NID2: variants seen among roughly 807,000 people sequenced by gnomAD.
The protein encoded by NID2 is nidogen-2.
NID2 carries 83 observed loss-of-function variants against 145.4 expected under a neutral mutation model. The ratio of observed to expected loss-of-function variants is 0.57; its 90% CI spans 0.48 to 0.69. NID2 has a LOEUF of 0.69. NID2 is among the 30% of genes least tolerant of loss of function. NID2 has a pLI of 0.00. For missense variants in NID2, 1,807 were observed against 1,765.7 expected (o/e 1.02, Z -0.42); for synonymous variants, 739 against 701.3 (o/e 1.05, Z -0.85).
intron 10 of NID2, 47 bp downstream of exon 10, chr14:52,029,500 G>A (rs1210264954): frequency 1.9e-6 from 3 of 1,578,786 alleles, no homozygotes; most frequent in African/African-American, 1.3e-5. Flanking sequence ...GGAGGGCAGA[G>A]GAAAAACAAG....
At chr14:52,030,550 A>AAG (rs1891787821) in intron 9 of NID2, among the ~76,000 whole-genome samples, 1 of 64,638 alleles carries the variant, frequency 1.5e-5, no homozygotes, top group African/African-American at 5.2e-5. Context: ...GAAAGAAAGA[A>AAG]AGAAAGAAAG....
chr14:52,007,700 C>T, intron 19 of NID2, 110 bp downstream of exon 19: 1 of 1,005,760 alleles, frequency 9.9e-7, no homozygotes, highest in Non-Finnish European at 1.5e-6. Flanking sequence ...AGTTTACAGA[C>T]CAAAGAAAGG....
intron 14 of NID2, among the ~76,000 whole-genome samples, chr14:52,017,538 G>C (rs1891255936): frequency 6.7e-6 from 1 of 149,266 alleles, no homozygotes; most frequent in Admixed American, 6.7e-5. Flanking sequence ...TTAAAATCTT[G>C]GTTCCCCCTT....
rs1434077861 is a variant in NID2 at position 52,027,227 on chromosome 14, T to TA, written c.2647dup (p.Tyr883LeufsTer10). On this transcript the variant is annotated frameshift_variant, in exon 12 of 22. Coordinates refer to ENST00000216286, the MANE Select transcript of NID2 (RefSeq NM_007361.4). LOFTEE classifies it high-confidence loss of function. ...AGTGCACTGGTGCCCATCGCCGGCA[T>TA]AACCAGGCAGGCAGGCACAGCTGAA... 4.5e-6 allele frequency: 7 copies of TA among 1,569,138 alleles called. No homozygotes were observed. The highest frequency in any genetic ancestry group is 6.0e-6 in the Non-Finnish European group (7 of 1,158,850).
rs369076689 is a variant in NID2, at chr14:52,067,976, T to G, written c.416A>C (p.Tyr139Ser). Residue 139 changes from tyrosine (Y) to serine (S), a missense_variant, in exon 2 of 22, where the codon TAT becomes TCT. Coordinates refer to ENST00000216286, the MANE Select transcript of NID2 (RefSeq NM_007361.4). ...SPAVLGLAAR[Y>S]VRAGFPRSAR... The stretch of plus-strand genomic sequence containing the variant: ...AGAGCGCGGGAAGCCAGCGCGCACA[T>G]AGCGGGCGGCCAGGCCCAGCACTGC... 2.5e-6 allele frequency: 4 copies of G among 1,610,818 alleles called. No homozygotes were observed. The highest frequency in any genetic ancestry group is 3.4e-6 in the Non-Finnish European group (4 of 1,178,688).
intron 5 of NID2, among the ~76,000 whole-genome samples, chr14:52,045,773 G>A (rs2645741): frequency 0.51 from 77,660 of 151,968 alleles, 20,140 homozygotes; most frequent in South Asian, 0.59. Context: ...ACTCACCAGT[G>A]TGCTCATGGC....
rs547757142 is a variant in NID2 at position 52,056,435 on chromosome 14, C to A, written c.768-2114G>T. On this transcript the variant is annotated intron_variant, in intron 3 of 21. Coordinates refer to ENST00000216286, the MANE Select transcript of NID2 (RefSeq NM_007361.4). ...ATTTCTACAAAGGAAAATTGGGTTA[C>A]AAAATGGGATGACAATGCCTTCCTC... Among the ~76,000 whole-genome samples, 16 of 152,202 alleles carry A rather than the reference C, an allele frequency of 1.1e-4. 1 individual carries two copies. The highest frequency in any genetic ancestry group is 3.9e-4 in the African/African-American group (16 of 41,518).
intron 12 of NID2, among the ~76,000 whole-genome samples, chr14:52,022,900 A>G (rs1361766576): frequency 6.6e-6 from 1 of 151,926 alleles, no homozygotes; most frequent in East Asian, 1.9e-4. Context: ...ATTAACCTCA[A>G]ACCCATCCCA....
intron 2 of NID2, among the ~76,000 whole-genome samples, chr14:52,064,819 C>T (rs569448216): frequency 6.6e-6 from 1 of 152,274 alleles, no homozygotes; most frequent in South Asian, 2.1e-4. Flanking sequence ...TTCTTTTTAG[C>T]CCTTTCAACC....
In NID2 at chr14:52,054,278, C is replaced by T. The variant is rs772352433; in HGVS notation, c.811G>A (p.Gly271Ser). The stretch of plus-strand genomic sequence containing the variant: ...ACATTGTCCAACGGGGAAGTGCTGC[C>T]GATATGGAAAGCCCACACTCCAGGG... Reference protein sequence around the residue: ...GIPGVWAFHIGSTSPLDNVRP... With the variant: ...GIPGVWAFHISSTSPLDNVRP... Residue 271 changes from glycine to serine, a missense_variant, in exon 4 of 22, where the codon GGC (glycine) becomes AGC (serine). By Grantham distance (56) the Gly-to-Ser change is moderately conservative. Transcript: ENST00000216286. 31 of 1,613,872 alleles carry T rather than the reference C, an allele frequency of 1.9e-5. No homozygotes were observed. Among genetic ancestry groups the T allele is most frequent in the Admixed American group, 6.7e-5 (4 of 60,004 alleles).
At chr14:52,006,891 G>A in intron 19 of NID2, 2 of 351,842 alleles carry the variant, frequency 5.7e-6, no homozygotes, top group South Asian at 4.0e-5. Flanking sequence ...ACTGAAATCT[G>A]GTAAGTTTCT....
At position 52,018,501 on chromosome 14, in the gene NID2, A is replaced by G. The variant is rs547060885; in HGVS notation, c.3028+560T>C. ...CAGGTTGTATGGGCTAACAGAAACCAGATGTCTGTGCCTCCTCTGAGATGT... is the reference window on the plus strand; with the variant it reads ...CAGGTTGTATGGGCTAACAGAAACCGGATGTCTGTGCCTCCTCTGAGATGT... On this transcript the variant is annotated intron_variant, in intron 14 of 21. Transcript: ENST00000216286. Among the ~76,000 whole-genome samples the G allele has an allele frequency of 2.4e-3, 359 of 152,354 alleles. No individual in the cohort carries two copies. In the Middle Eastern group the frequency reaches 0.024, roughly 10 times the overall value.
Position 52,068,027 on chromosome 14 carries a change from A to T in NID2, c.365T>A (p.Val122Asp). ...GGGGGAGGTGTCCTCTCGGTACAGG[A>T]CTCGGCCTCTGCCGTGGCTCGTGTC... The part of the protein sequence containing the change: ...DIDTSHGRGR[V>D]LYREDTSPAV... The change falls in exon 2 of 22, where the codon GTC becomes GAC. Residue 122 changes from valine (V) to aspartate (D), a missense_variant. Coordinates refer to ENST00000216286, the MANE Select transcript of NID2 (RefSeq NM_007361.4). The T allele has an allele frequency of 6.2e-7, 1 of 1,613,860 alleles. No homozygotes were observed. Among genetic ancestry groups the T allele is most frequent in the Non-Finnish European group, 8.5e-7 (1 of 1,179,928 alleles).
Position 52,014,475 on chromosome 14 carries a change from G to A in NID2, c.3251-19C>T, listed in dbSNP as rs1249680213. 4 of 1,591,158 alleles carry A rather than the reference G, an allele frequency of 2.5e-6. No individual in the cohort carries two copies. In the Admixed American group the frequency reaches 7.2e-5, roughly 29 times the overall value. ...GGTATACCTGTGGGAGAGAGGGTGG[G>A]AGAGCAGGAAGGGGAACAAGGGCAG... On this transcript the variant is annotated intron_variant, in intron 15 of 21. Transcript: ENST00000216286.
Position 52,062,733 on chromosome 14 carries a change from G to C in NID2, c.535-2377C>G, listed in dbSNP as rs186504712. On this transcript the variant is annotated intron_variant, in intron 2 of 21. Coordinates refer to ENST00000216286, the MANE Select transcript of NID2 (RefSeq NM_007361.4). ...TGAAGAATTGAAGGGGATGGGGAAG[G>C]GGGGAAGAGAGTAGTAAACAGAGCT... Among the ~76,000 whole-genome samples the C allele has an allele frequency of 4.2e-4, 64 of 152,262 alleles. No homozygotes were observed. The East Asian group carries it at 0.012, about 28-fold the overall frequency.
At chr14:52,019,388 G>T in intron 13 of NID2, 94 bp from the exon 14 acceptor site, 4 of 1,020,588 alleles carry the variant, frequency 3.9e-6, no homozygotes, top group Non-Finnish European at 4.2e-6. Context: ...ATGGAAAAGC[G>T]CTGGGATTTT....
rs1256187473 is a variant in NID2 at position 52,068,140 on chromosome 14, G to A, written c.252C>T (p.Ser84=). 6.2e-7 allele frequency: 1 copy of A among 1,613,250 alleles called. No homozygotes were observed. Among genetic ancestry groups the A allele is most frequent in the South Asian group, 1.1e-5 (1 of 90,666 alleles). ...NLYVGTNGII[S]TQDFPRETQY... ...GCGTTTCCCTGGGGAAGTCCTGAGTGGAGATGATGCCGTTGGTGCCCACCT... is the reference window on the plus strand; with the variant it reads ...GCGTTTCCCTGGGGAAGTCCTGAGTAGAGATGATGCCGTTGGTGCCCACCT... The change falls in exon 2 of 22, where the codon TCC becomes TCT. Residue 84 remains serine (S), a synonymous_variant. Transcript: ENST00000216286.
intron 12 of NID2, among the ~76,000 whole-genome samples, chr14:52,026,157 C>T (rs1314769106): frequency 6.6e-6 from 1 of 152,178 alleles, no homozygotes; most frequent in Non-Finnish European, 1.5e-5. Context: ...TCCACTCAGC[C>T]CATCCTGCTG....
At chr14:52,026,343 G>A (rs2140371025) in intron 12 of NID2, among the ~76,000 whole-genome samples, 1 of 152,320 alleles carries the variant, frequency 6.6e-6, no homozygotes, top group African/African-American at 2.4e-5. Flanking sequence ...GCAACACCAG[G>A]AGCAGGGGAA....
Sources: allele counts gnomAD v4.1 joint callset (sites outside exome capture counted in the v4.1 genomes callset), GRCh38; gene constraint gnomAD v4.1.1; transcripts MANE v1.5; gene names NCBI Gene and HGNC (gene_info 2026-07-23, HGNC 2026-07-21).